Variants in ZNF704 observed in about 807,000 individuals in gnomAD.
The protein encoded by ZNF704 is zinc finger protein 704.
In ZNF704, 10 loss-of-function variants were observed where a neutral mutation model predicts 44.7. That is an observed-to-expected ratio of 0.22 (90% CI 0.14 to 0.38). ZNF704 has a LOEUF of 0.38. Ranked by LOEUF, ZNF704 falls within the 10% of genes least tolerant of loss-of-function variation. The pLI is 1.00. For synonymous variants in ZNF704, 211 were observed against 207.6 expected (o/e 1.02, Z -0.14); for missense variants, 390 against 545.5 (o/e 0.71, Z 2.84).
At chr8:80,770,755 C>T (rs1270788567) in intron 2 of ZNF704, among the ~76,000 whole-genome samples, 1 of 152,098 alleles carries the variant, frequency 6.6e-6, no homozygotes, top group South Asian at 2.1e-4. Flanking sequence ...AGTGTCAATT[C>T]TAAGACTTTT....
intron 2 of ZNF704, among the ~76,000 whole-genome samples, chr8:80,786,594 T>C (rs1307743623): frequency 1.3e-5 from 2 of 152,192 alleles, no homozygotes; most frequent in Admixed American, 6.5e-5. Context: ...GTAACTTACA[T>C]GGAAGAAAAT....
At chr8:80,815,233 A>G (rs1808157155) in intron 2 of ZNF704, among the ~76,000 whole-genome samples, 1 of 152,220 alleles carries the variant, frequency 6.6e-6, no homozygotes, top group Non-Finnish European at 1.5e-5. Context: ...TCTTCCAACC[A>G]CAAACTAACA....
intron 1 of ZNF704, among the ~76,000 whole-genome samples, chr8:80,859,440 T>G (rs1330383423): frequency 6.6e-6 from 1 of 152,158 alleles, no homozygotes; most frequent in Non-Finnish European, 1.5e-5. Context: ...AAGCAAGTGT[T>G]GGAGTAACAG....
chr8:80,880,726 A>C, the ZNF704 span, among the ~76,000 whole-genome samples: 2 of 152,232 alleles, frequency 1.3e-5, no homozygotes, highest in Non-Finnish European at 2.9e-5. Context: ...ACTTGATACC[A>C]AGTCAGGGCC....
intron 2 of ZNF704, among the ~76,000 whole-genome samples, chr8:80,721,414 A>G (rs1226601297): frequency 1.3e-5 from 2 of 152,208 alleles, no homozygotes; most frequent in Non-Finnish European, 2.9e-5. Flanking sequence ...AGGAGAGAAC[A>G]TAAGTAGTCC....
the ZNF704 span, among the ~76,000 whole-genome samples, chr8:80,882,550 A>G: frequency 1.3e-5 from 2 of 152,016 alleles, no homozygotes; most frequent in African/African-American, 4.8e-5. Flanking sequence ...TTGTTGTTCA[A>G]TTTCTTCACA....
chr8:80,875,467 G>A (rs1311883591), upstream of ZNF704, among the ~76,000 whole-genome samples: 1 of 152,058 alleles, frequency 6.6e-6, no homozygotes, highest in Non-Finnish European at 1.5e-5. Flanking sequence ...ACCATGCCAT[G>A]CTAATTTTGT....
chr8:80,877,876 G>A (rs187472074), upstream of ZNF704, among the ~76,000 whole-genome samples: 7 of 152,280 alleles, frequency 4.6e-5, no homozygotes, highest in African/African-American at 1.4e-4. Context: ...AATAAAAGGA[G>A]GGGTAGAAGG....
chr8:80,668,410 G>C (rs1321842005), intron 5 of ZNF704, among the ~76,000 whole-genome samples: 1 of 152,204 alleles, frequency 6.6e-6, no homozygotes, highest in Non-Finnish European at 1.5e-5. Context: ...AGGCTGAGGC[G>C]CCTGGGGAGG....
the ZNF704 span, among the ~76,000 whole-genome samples, chr8:80,884,393 A>G: frequency 4.9e-4 from 75 of 152,150 alleles, 1 homozygote; most frequent in South Asian, 0.016. Context: ...TATAAACCCC[A>G]TTATCCTCAT....
chr8:80,826,430 T>C (rs1283708843), intron 1 of ZNF704, among the ~76,000 whole-genome samples: 2 of 151,786 alleles, frequency 1.3e-5, no homozygotes, highest in East Asian at 3.9e-4. Context: ...ATTGACGCAA[T>C]AATAGCCTAC....
At chr8:80,647,243 A>C (rs1563503292) in intron 7 of ZNF704, among the ~76,000 whole-genome samples, 1 of 152,178 alleles carries the variant, frequency 6.6e-6, no homozygotes, top group Non-Finnish European at 1.5e-5. Flanking sequence ...GCTAAAGTGT[A>C]ATAGAAGGAG....
rs142365001 is a variant in ZNF704, at chr8:80,772,537, C to T, written c.221+48837G>A. On this transcript the variant is annotated intron_variant, in intron 2 of 8. Coordinates refer to ENST00000327835, the MANE Select transcript of ZNF704 (RefSeq NM_001033723.3). ...AGAGTGAGAGAGGAGAGGTGTTACA[C>T]GCTTTTAAACAATCAGATCTTGTGA... Among the ~76,000 whole-genome samples, 506 of 152,132 alleles carry T rather than the reference C, an allele frequency of 3.3e-3. 1 individual carries two copies. Among genetic ancestry groups the T allele is most frequent in the Non-Finnish European group, 4.6e-3 (313 of 68,012 alleles).
rs528182293 is a variant in ZNF704, at chr8:80,632,182, T to C, written c.*9184A>G. Reference sequence around the variant, plus strand: ...TTTGTTTTTTTCTGTTTAAAGGAAATTTCCTTCCTTAATGGTAGTCTCACC... The same window carrying C: ...TTTGTTTTTTTCTGTTTAAAGGAAACTTCCTTCCTTAATGGTAGTCTCACC... On this transcript the variant is annotated 3_prime_UTR_variant, in exon 9 of 9. Coordinates refer to ENST00000327835, the MANE Select transcript of ZNF704 (RefSeq NM_001033723.3). The C allele has an allele frequency of 6.6e-6, 1 of 152,198 alleles. No individual in the cohort carries two copies. The highest frequency in any genetic ancestry group is 2.4e-5 in the African/African-American group (1 of 41,522). 9.4% of individuals were successfully genotyped at this position (152,198 alleles called of 1,614,324 possible). A position where few individuals can be genotyped will look rare whatever the true frequency, so the allele number is the denominator to read the frequency against.
intron 1 of ZNF704, among the ~76,000 whole-genome samples, chr8:80,836,199 C>G (rs1808555530): frequency 6.6e-6 from 1 of 152,196 alleles, no homozygotes; most frequent in Admixed American, 6.5e-5. Context: ...CCGCCTCTAT[C>G]CGATTTGCTC....
chr8:80,877,301 A>T (rs900273580), upstream of ZNF704, among the ~76,000 whole-genome samples: 3 of 151,720 alleles, frequency 2.0e-5, no homozygotes, highest in Non-Finnish European at 4.4e-5. Flanking sequence ...GATGAGAAGG[A>T]TCTGTTCAGG....
Position 80,687,400 on chromosome 8 carries a change from G to A in ZNF704, c.384C>T (p.Ser128=), listed in dbSNP as rs759756625. 6.9e-6 allele frequency: 11 copies of A among 1,603,426 alleles called. No homozygotes were observed. The highest frequency in any genetic ancestry group is 5.3e-5 in the African/African-American group (4 of 74,868). Residue 128 remains serine, a synonymous_variant, in exon 4 of 9, where the codon AGC becomes AGT. Transcript: ENST00000327835. The stretch of plus-strand genomic sequence containing the variant: ...TGGGGGCGCTCCAGCTCCAGTAGCC[G>A]CTGCTGCTGGTGCTGGAAGGCACGC... The part of the protein sequence containing the change: ...GGCVPSSTSS[S]GYWSWSAPSD...
intron 1 of ZNF704, among the ~76,000 whole-genome samples, chr8:80,851,181 G>A (rs1238052109): frequency 6.6e-6 from 1 of 152,070 alleles, no homozygotes; most frequent in Non-Finnish European, 1.5e-5. Flanking sequence ...CAGGGAACTA[G>A]AACTAGAAAT....
intron 6 of ZNF704, among the ~76,000 whole-genome samples, chr8:80,664,272 ATTTTTT>A (rs146856594): frequency 7.9e-6 from 1 of 126,690 alleles, no homozygotes; most frequent in African/African-American, 2.9e-5. Flanking sequence ...AACATTAGGG[ATTTTTT>A]TTTTTTTTTT....
Sources: gnomAD v4.1 joint callset for allele counts (sites outside exome capture counted in the v4.1 genomes callset) on GRCh38, gnomAD v4.1.1 for gene constraint, MANE v1.5 for transcripts, NCBI Gene and HGNC (gene_info 2026-07-23, HGNC 2026-07-21) for gene names.